Variants in ME3 observed in about 807,000 individuals in gnomAD.
ME3 encodes NADP-dependent malic enzyme, mitochondrial.
Under a neutral mutation model 68.9 loss-of-function variants are expected in ME3, and 48 were observed. The ratio of observed to expected loss-of-function variants is 0.70; its 90% confidence interval spans 0.55 to 0.89. The LOEUF is 0.89. Among genes scored for constraint, ME3 ranks in the 40% least tolerant of loss-of-function variants. ME3 has a pLI of 0.00. For missense variants in ME3, 675 were observed against 797.4 expected (o/e 0.85, Z 1.85); for synonymous variants, 320 against 318.8 (o/e 1.00, Z -0.04).
intron 2 of ME3, among the ~76,000 whole-genome samples, chr11:86,603,960 G>C (rs986680915): frequency 2.0e-5 from 2 of 99,456 alleles, no homozygotes; most frequent in Non-Finnish European, 3.9e-5. Flanking sequence ...TGGGGGGAGG[G>C]GGGAGGGATA....
intron 4 of ME3, among the ~76,000 whole-genome samples, chr11:86,546,976 C>T (rs1956395487): frequency 6.6e-6 from 1 of 152,136 alleles, no homozygotes; most frequent in Non-Finnish European, 1.5e-5. Context: ...CAGTGGCTCA[C>T]ACCTGTAATC....
chr11:86,644,483 T>A (rs902888515), intron 2 of ME3, among the ~76,000 whole-genome samples: 5 of 152,158 alleles, frequency 3.3e-5, no homozygotes, highest in African/African-American at 1.2e-4. Context: ...ACCCTGATTT[T>A]ATGCAATTTC....
rs145916686 is a variant in ME3 at position 86,628,486 on chromosome 11, G to T, written c.183+43276C>A. Among the ~76,000 whole-genome samples, 129 of 152,290 alleles carry T rather than the reference G, an allele frequency of 8.5e-4. 2 individuals carry two copies. Among genetic ancestry groups the T allele is most frequent in the Non-Finnish European group, 1.6e-4 (11 of 68,016 alleles). On this transcript the variant is annotated intron_variant, in intron 2 of 14. Coordinates refer to ENST00000543262, the Ensembl canonical transcript of ME3. The stretch of plus-strand genomic sequence containing the variant: ...TGACGCCTAGGCCATAATCTAGACC[G>T]ATTTGTTCAGAATCTCTGGAGGTGA...
At chr11:86,634,733 T>G (rs1944227542) in intron 2 of ME3, among the ~76,000 whole-genome samples, 1 of 152,172 alleles carries the variant, frequency 6.6e-6, no homozygotes, top group African/African-American at 2.4e-5. Context: ...AAATAAAACA[T>G]CATAGATAGC....
chr11:86,546,964 C>T (rs1402920774), intron 4 of ME3, among the ~76,000 whole-genome samples: 2 of 152,118 alleles, frequency 1.3e-5, no homozygotes, highest in Non-Finnish European at 2.9e-5. Context: ...AGCGGCCGGG[C>T]ACAGTGGCTC....
At chr11:86,659,780 A>G (rs546492547) in intron 2 of ME3, among the ~76,000 whole-genome samples, 4 of 152,326 alleles carry the variant, frequency 2.6e-5, no homozygotes, top group African/African-American at 9.6e-5. Flanking sequence ...CTGTCTCACT[A>G]TCAGAATCTC....
rs905709136 is a variant in ME3 at position 86,494,136 on chromosome 11, T to G, written c.705+3827A>C. 6.6e-5 allele frequency among the ~76,000 whole-genome samples: 10 copies of G among 152,100 alleles called. 1 individual carries two copies. Among genetic ancestry groups the G allele is most frequent in the Non-Finnish European group, 1.5e-5 (1 of 68,024 alleles). On this transcript the variant is annotated intron_variant, in intron 6 of 14. Coordinates refer to ENST00000543262, the Ensembl canonical transcript of ME3. ...AAAATCACCATCTTCCTAATGTTGG[T>G]CACTTTATAACTTTGAAAATTTTGT...
At chr11:86,543,672 A>G (rs1190576939) in intron 4 of ME3, among the ~76,000 whole-genome samples, 1 of 152,246 alleles carries the variant, frequency 6.6e-6, no homozygotes, top group African/African-American at 2.4e-5. Flanking sequence ...TTACAGACCT[A>G]CAAAGAGACT....
chr11:86,649,636 G>A lies in ME3; in HGVS notation c.183+22126C>T, dbSNP rs149115435. On this transcript the variant is annotated intron_variant, in intron 2 of 14. Transcript: ENST00000543262. ...TAAAGTCTCAGGATACAAAATCAATGTGCAAAAATCACAAGCATTCATATA... is the reference window on the plus strand; with the variant it reads ...TAAAGTCTCAGGATACAAAATCAATATGCAAAAATCACAAGCATTCATATA... Among the ~76,000 whole-genome samples, 1,187 of 152,264 alleles carry A rather than the reference G, an allele frequency of 7.8e-3. 44 individuals carry two copies. The highest frequency in any genetic ancestry group is 0.02 in the East Asian group (102 of 5,180).
chr11:86,486,812 G>A (rs1383610828), intron 7 of ME3, among the ~76,000 whole-genome samples: 4 of 152,228 alleles, frequency 2.6e-5, no homozygotes, highest in Non-Finnish European at 5.9e-5. Flanking sequence ...GGTGGAAGCT[G>A]CCAGTACTGT....
At chr11:86,600,556 T>C (rs11533267) in intron 2 of ME3, among the ~76,000 whole-genome samples, 9,826 of 136,280 alleles carry the variant, frequency 0.072, 525 homozygotes, top group East Asian at 0.24. Context: ...GACAGAAAGT[T>C]AACAAGGATA....
intron 6 of ME3, among the ~76,000 whole-genome samples, chr11:86,490,977 G>T (rs2138960832): frequency 6.6e-6 from 1 of 152,266 alleles, no homozygotes; most frequent in Middle Eastern, 3.4e-3. Context: ...ATGAGATACT[G>T]CTGAGATACA....
intron 2 of ME3, among the ~76,000 whole-genome samples, chr11:86,619,582 T>G (rs546202961): frequency 2.0e-5 from 3 of 152,310 alleles, no homozygotes; most frequent in Non-Finnish European, 2.9e-5. Flanking sequence ...TCTCATGAGA[T>G]CTGATGGTTT....
At chr11:86,458,037 C>G (rs1185093922) in intron 8 of ME3, among the ~76,000 whole-genome samples, 1 of 152,182 alleles carries the variant, frequency 6.6e-6, no homozygotes, top group Non-Finnish European at 1.5e-5. Flanking sequence ...TAGGCTCTGT[C>G]AGGGTCTGGC....
rs1594017423 is a variant in ME3 at position 86,453,019 on chromosome 11, G to C, written c.920-2621C>G. On this transcript the variant is annotated intron_variant, in intron 8 of 14. Transcript: ENST00000543262. ...GTTTTTGTTTTTGTTTTTAATTTCA[G>C]ACAGAATCTCACTCGGTCGCCCAGG... Among the ~76,000 whole-genome samples the C allele has an allele frequency of 2.6e-5, 4 of 151,710 alleles. No individual in the cohort carries two copies. The South Asian group carries it at 8.3e-4, about 32-fold the overall frequency.
chr11:86,477,462 A>T (rs1555207247), intron 7 of ME3, among the ~76,000 whole-genome samples: 49 of 137,658 alleles, frequency 3.6e-4, no homozygotes, highest in Non-Finnish European at 1.2e-4. Flanking sequence ...TTAAATAATT[A>T]AGAGTTATTA....
intron 2 of ME3, among the ~76,000 whole-genome samples, chr11:86,591,621 A>C (rs1243678380): frequency 6.6e-6 from 1 of 152,232 alleles, no homozygotes; most frequent in African/African-American, 2.4e-5. Flanking sequence ...GATATACCCA[A>C]GACTGGGCAA....
intron 2 of ME3, among the ~76,000 whole-genome samples, chr11:86,606,826 A>T (rs1961730872): frequency 6.6e-6 from 1 of 152,148 alleles, no homozygotes; most frequent in Admixed American, 6.5e-5. Flanking sequence ...ACTAATGCTT[A>T]CCCTTCCTGT....
intron 4 of ME3, among the ~76,000 whole-genome samples, chr11:86,547,627 TAATAA>T (rs1229459587): frequency 3.8e-4 from 57 of 151,954 alleles, no homozygotes; most frequent in African/African-American, 1.3e-3. Flanking sequence ...ACTTAAAGTA[TAATAA>T]AATAAAATAA....
Sources: gnomAD v4.1 joint callset for allele counts (sites outside exome capture counted in the v4.1 genomes callset) on GRCh38, gnomAD v4.1.1 for gene constraint, MANE v1.5 for transcripts, NCBI Gene and HGNC (gene_info 2026-07-23, HGNC 2026-07-21) for gene names.